Variants in SPINT2 observed in about 807,000 individuals in gnomAD.
SPINT2 encodes kunitz-type protease inhibitor 2.
A neutral mutation model predicts 30.1 loss-of-function variants in SPINT2; 18 were observed. The ratio of observed to expected loss-of-function variants is 0.60; its 90% CI spans 0.41 to 0.89. The LOEUF (loss-of-function observed/expected upper bound fraction) is 0.89, where lower values mean the gene tolerates loss of function less well. SPINT2 is among the 40% of genes least tolerant of loss of function. The pLI, the probability that SPINT2 is intolerant of heterozygous loss-of-function variation, is 0.00. For synonymous variants in SPINT2, 139 were observed against 137.9 expected (o/e 1.01, Z -0.05); for missense variants, 276 against 334.3 (o/e 0.83, Z 1.36).
At chr19:38,283,525 C>T in intron 1 of SPINT2, 102 bp from the exon 2 acceptor site, 1 of 1,481,750 alleles carries the variant, frequency 6.7e-7, no homozygotes, top group Non-Finnish European at 9.4e-7. Flanking sequence ...TGCTGGAACT[C>T]AAGGCTCTGG....
At chr19:38,276,334 C>T (rs1376242165) in intron 1 of SPINT2, among the ~76,000 whole-genome samples, 1 of 152,060 alleles carries the variant, frequency 6.6e-6, no homozygotes, top group East Asian at 1.9e-4. Flanking sequence ...GTTATTTTTG[C>T]TTGTTTTAAA....
intron 2 of SPINT2, among the ~76,000 whole-genome samples, chr19:38,284,617 A>G (rs1381582619): frequency 6.6e-6 from 1 of 152,210 alleles, no homozygotes; most frequent in Non-Finnish European, 1.5e-5. Context: ...AGCGTGACCC[A>G]GCTTCCTTTC....
At chr19:38,268,766 C>CGCGCGTGTGTGTGTGTGTGTGTGTGT in intron 1 of SPINT2, among the ~76,000 whole-genome samples, 1 of 149,922 alleles carries the variant, frequency 6.7e-6, no homozygotes, top group East Asian at 2.0e-4. Flanking sequence ...TGCGCGCGCG[C>CGCGCGTGTGTGTGTGTGTGTGTGTGT]GTGTGTGTGT....
chr19:38,268,843 A>T (rs961971289), intron 1 of SPINT2, among the ~76,000 whole-genome samples: 4 of 151,662 alleles, frequency 2.6e-5, no homozygotes, highest in South Asian at 2.1e-4. Context: ...GATATGCAGG[A>T]TTTTTTTCTT....
At chr19:38,291,326 A>G (rs1166133373) in intron 6 of SPINT2, 1 of 161,478 alleles carries the variant, frequency 6.2e-6, no homozygotes, top group East Asian at 1.8e-4. Flanking sequence ...ACACTATTAA[A>G]TTTGCTGGCA....
intron 1 of SPINT2, among the ~76,000 whole-genome samples, chr19:38,269,907 C>A (rs1968432734): frequency 1.3e-5 from 2 of 152,260 alleles, no homozygotes; most frequent in Non-Finnish European, 2.9e-5. Context: ...CCGCGCCCGG[C>A]CTGAGATGGG....
At chr19:38,273,036 T>C (rs1170152184) in intron 1 of SPINT2, among the ~76,000 whole-genome samples, 1 of 152,116 alleles carries the variant, frequency 6.6e-6, no homozygotes, top group Non-Finnish European at 1.5e-5. Flanking sequence ...ATGTAAACTT[T>C]TATATCTAAA....
In SPINT2 at chr19:38,289,152, G is replaced by T. The variant is rs1968679699; in HGVS notation, c.352G>T (p.Asp118Tyr). 1 of 1,614,014 alleles carries T rather than the reference G, an allele frequency of 6.2e-7. No individual in the cohort carries two copies. The highest frequency in any genetic ancestry group is 1.1e-5 in the South Asian group (1 of 91,078). ...TTGTGTTTCAGCTCCCAGAAGGCAG[G>T]ATTCTGAAGACCACTCCAGCGATAT... ...SSVPSAPRRQ[D>Y]SEDHSSDMFN... The change falls in exon 4 of 7, where the codon GAT becomes TAT. Residue 118 changes from aspartate (D) to tyrosine (Y), a missense_variant. Coordinates refer to ENST00000301244, the MANE Select transcript of SPINT2 (RefSeq NM_021102.4).
chr19:38,273,160 G>GT (rs199969922), intron 1 of SPINT2, among the ~76,000 whole-genome samples: 53 of 151,554 alleles, frequency 3.5e-4, no homozygotes, highest in Admixed American at 1.3e-3. Context: ...AATACCTGAG[G>GT]TTTTTTTTTG....
In SPINT2 at chr19:38,287,224, G is replaced by T. The variant is rs558259533; in HGVS notation, c.278-652G>T. Among the ~76,000 whole-genome samples, 13 of 152,058 alleles carry T rather than the reference G, an allele frequency of 8.5e-5. 1 individual carries two copies. In the South Asian group the frequency reaches 2.1e-3, roughly 24 times the overall value. Reference sequence around the variant, plus strand: ...GTTTTTTTGTTTGTTTTTTGAGACGGAGTCTCACTCTGTTGCCCAGGCTGA... The same window carrying T: ...GTTTTTTTGTTTGTTTTTTGAGACGTAGTCTCACTCTGTTGCCCAGGCTGA... On this transcript the variant is annotated intron_variant, in intron 2 of 6. Coordinates refer to ENST00000301244, the MANE Select transcript of SPINT2 (RefSeq NM_021102.4).
intron 1 of SPINT2, among the ~76,000 whole-genome samples, chr19:38,281,435 C>T (rs1253680238): frequency 1.3e-5 from 2 of 151,880 alleles, no homozygotes; most frequent in African/African-American, 2.4e-5. Context: ...ATAGGCCGGG[C>T]GCGGTGGCTC....
At chr19:38,286,333 C>T (rs1968640726) in intron 2 of SPINT2, among the ~76,000 whole-genome samples, 1 of 152,140 alleles carries the variant, frequency 6.6e-6, no homozygotes, top group Non-Finnish European at 1.5e-5. Context: ...AGTCCAGTTG[C>T]CAGAAGACTG....
At chr19:38,291,689 T>C in intron 6 of SPINT2, 151 bp from the exon 7 acceptor site, 1 of 924,708 alleles carries the variant, frequency 1.1e-6, no homozygotes, top group African/African-American at 1.7e-5. Flanking sequence ...CTGTGTCCTC[T>C]CCAGCTGCAG....
At chr19:38,266,184 C>T (rs529622814) in intron 1 of SPINT2, among the ~76,000 whole-genome samples, 7 of 152,088 alleles carry the variant, frequency 4.6e-5, no homozygotes, top group Non-Finnish European at 8.8e-5. Flanking sequence ...AAGACAGAGC[C>T]AGCCTGGCTG....
chr19:38,281,387 T>C (rs892749487), intron 1 of SPINT2, among the ~76,000 whole-genome samples: 6 of 151,946 alleles, frequency 3.9e-5, no homozygotes, highest in African/African-American at 1.2e-4. Flanking sequence ...CACTCCAGCT[T>C]AGGTGACAGA....
rs1244601810 is a variant in SPINT2, at chr19:38,292,592, T to C, written c.*586T>C. 1 of 153,308 alleles carries C rather than the reference T, an allele frequency of 6.5e-6. No individual in the cohort carries two copies. Among genetic ancestry groups the C allele is most frequent in the African/African-American group, 2.4e-5 (1 of 41,472 alleles). 9.5% of individuals were successfully genotyped at this position (153,308 alleles called of 1,614,324 possible). A position where few individuals can be genotyped will look rare whatever the true frequency, so the allele number is the denominator to read the frequency against. On this transcript the variant is annotated 3_prime_UTR_variant, in exon 7 of 7. Transcript: ENST00000301244. ...GATCTTTTTGAATGAATCCACAAGA[T>C]GAAATAAATGTCCTATTACTGAGTG...
intron 2 of SPINT2, among the ~76,000 whole-genome samples, chr19:38,286,701 T>G (rs1968645681): frequency 6.6e-6 from 1 of 152,128 alleles, no homozygotes; most frequent in Non-Finnish European, 1.5e-5. Flanking sequence ...GAGAATGGTG[T>G]GAACCCGGGA....
intron 1 of SPINT2, among the ~76,000 whole-genome samples, chr19:38,282,687 CA>C (rs1968593168): frequency 6.6e-6 from 1 of 152,162 alleles, no homozygotes; most frequent in Non-Finnish European, 1.5e-5. Flanking sequence ...TTGGTGTGCC[CA>C]AATAGGAGCT....
chr19:38,267,064 G>T (rs1968387597), intron 1 of SPINT2, among the ~76,000 whole-genome samples: 1 of 152,132 alleles, frequency 6.6e-6, no homozygotes, highest in African/African-American at 2.4e-5. Context: ...CTTGCCCGAG[G>T]TCACTCGGTA....
Sources: gnomAD v4.1 joint callset for allele counts (sites outside exome capture counted in the v4.1 genomes callset) on GRCh38, gnomAD v4.1.1 for gene constraint, MANE v1.5 for transcripts, NCBI Gene and HGNC (gene_info 2026-07-23, HGNC 2026-07-21) for gene names.